Variants in AMMECR1 observed in about 807,000 individuals in gnomAD.
AMMECR1 encodes the protein nuclear protein AMMECR1.
In AMMECR1, 3 loss-of-function variants were observed where a neutral mutation model predicts 22.5. The observed-to-expected ratio is 0.13, with a 90% confidence interval of 0.06 to 0.35. The LOEUF is 0.35. AMMECR1 is among the 10% of genes least tolerant of loss of function. AMMECR1 has a pLI of 1.00. For synonymous variants in AMMECR1, 130 were observed against 116.7 expected, an observed-to-expected ratio of 1.11 and a Z score of -0.74; for missense variants, 235 against 278.7, an observed-to-expected ratio of 0.84 and a Z score of 1.12.
chrX:110,330,881 T>C (rs765329964), intron 2 of AMMECR1, among the ~76,000 whole-genome samples: 4 of 111,588 alleles, frequency 3.6e-5, no homozygotes, highest in South Asian at 3.8e-4. Flanking sequence ...AAAGAATAAC[T>C]CTCATATACT....
At chrX:110,368,504 TAG>T (rs1183583541) in intron 2 of AMMECR1, among the ~76,000 whole-genome samples, 1 of 112,073 alleles carries the variant, frequency 8.9e-6, no homozygotes, top group African/African-American at 3.2e-5. Context: ...TTCTTCCTCA[TAG>T]AGTGTCATGC....
rs374543322 is a variant in AMMECR1 at position 110,389,200 on chromosome X, G to A, written c.-148+37458C>T. Among the ~76,000 whole-genome samples the A allele has an allele frequency of 3.6e-4, 41 of 112,620 alleles. No individual in the cohort carries two copies. In the South Asian group the frequency reaches 0.015, roughly 41 times the overall value. On this transcript the variant is annotated intron_variant, in intron 2 of 7. Transcript: ENST00000372057. ...AATGAATGCACTGCAAATCTCCAAGGAAATATAGAATATGCAGTATTTATT... is the reference window on the plus strand; with the variant it reads ...AATGAATGCACTGCAAATCTCCAAGAAAATATAGAATATGCAGTATTTATT...
intron 2 of AMMECR1, among the ~76,000 whole-genome samples, chrX:110,425,169 C>A (rs537199493): frequency 2.7e-5 from 3 of 112,466 alleles, no homozygotes; most frequent in Middle Eastern, 4.6e-3. Context: ...TCTTGTTCAA[C>A]TGAGCCAAGA....
At chrX:110,341,699 T>A (rs747239340) in intron 2 of AMMECR1, among the ~76,000 whole-genome samples, 14 of 111,991 alleles carry the variant, frequency 1.3e-4, no homozygotes, top group Non-Finnish European at 2.1e-4. Flanking sequence ...CTTTATAAGT[T>A]CCCCAGACTG....
chrX:110,277,589 G>C (rs1234304106), intron 1 of AMMECR1, among the ~76,000 whole-genome samples: 2 of 111,507 alleles, frequency 1.8e-5, no homozygotes, highest in African/African-American at 6.5e-5. Flanking sequence ...AAGAAAAATG[G>C]TTCAGGAAAT....
At chrX:110,277,277 T>C (rs902701147) in intron 1 of AMMECR1, among the ~76,000 whole-genome samples, 2 of 110,485 alleles carry the variant, frequency 1.8e-5, no homozygotes, top group Non-Finnish European at 3.8e-5. Context: ...AGCAGAAAAA[T>C]GGTTCAGGAA....
chrX:110,228,593 G>T (rs1472513171), intron 2 of AMMECR1, among the ~76,000 whole-genome samples: 2 of 111,248 alleles, frequency 1.8e-5, no homozygotes, highest in Non-Finnish European at 3.8e-5. Context: ...CTAAAACAGT[G>T]AAACAGTGAG....
At chrX:110,364,120 C>T (rs2068281843) in intron 2 of AMMECR1, among the ~76,000 whole-genome samples, 1 of 111,148 alleles carries the variant, frequency 9.0e-6, no homozygotes, top group African/African-American at 3.3e-5. Context: ...GATTCTGTTC[C>T]TTGCCTCTTC....
intron 2 of AMMECR1, among the ~76,000 whole-genome samples, chrX:110,391,332 T>C (rs779239195): frequency 1.8e-5 from 2 of 112,044 alleles, no homozygotes; most frequent in African/African-American, 6.5e-5. Flanking sequence ...GGTCAAATCA[T>C]TGTTTTCCCA....
intron 1 of AMMECR1, among the ~76,000 whole-genome samples, chrX:110,282,992 T>G (rs1039025415): frequency 2.7e-5 from 3 of 111,750 alleles, no homozygotes; most frequent in Non-Finnish European, 3.8e-5. Context: ...CATCTCCAGC[T>G]ATGAGTGAGC....
chrX:110,320,461 A>G (rs748618802), upstream of AMMECR1, among the ~76,000 whole-genome samples: 8 of 112,245 alleles, frequency 7.1e-5, no homozygotes, highest in African/African-American at 9.7e-5. Context: ...ACAGGAAGCA[A>G]AGTAGGATAC....
chrX:110,438,199 C>T lies in AMMECR1; in HGVS notation c.-294+1691G>A, dbSNP rs1408679241. Reference sequence around the variant, plus strand: ...GTCCCTCTATCAGAACCTGCTTTCACGATGGGAGATTTAAGAGGCTGATCC... The same window carrying T: ...GTCCCTCTATCAGAACCTGCTTTCATGATGGGAGATTTAAGAGGCTGATCC... On this transcript the variant is annotated intron_variant, in intron 1 of 7. Coordinates refer to the AMMECR1 transcript ENST00000372057. Among the ~76,000 whole-genome samples the T allele has an allele frequency of 2.7e-5, 3 of 111,158 alleles. No individual in the cohort carries two copies. The East Asian group carries it at 8.5e-4, about 31-fold the overall frequency.
chrX:110,432,445 G>C (rs1031427118), intron 1 of AMMECR1, among the ~76,000 whole-genome samples: 5 of 112,135 alleles, frequency 4.5e-5, no homozygotes, highest in Non-Finnish European at 9.4e-5. Flanking sequence ...TGATAGCTTC[G>C]AGAGAAGAGC....
At chrX:110,362,267 C>T (rs10126143) in intron 2 of AMMECR1, among the ~76,000 whole-genome samples, 1,286 of 111,638 alleles carry the variant, frequency 0.012, 11 homozygotes, top group Middle Eastern at 0.037. Context: ...AAAACTTAAG[C>T]TTGTTATATA....
chrX:110,315,891 C>G (rs140958814), intron 1 of AMMECR1, among the ~76,000 whole-genome samples: 302 of 112,314 alleles, frequency 2.7e-3, no homozygotes, highest in African/African-American at 9.5e-3. Flanking sequence ...ATAAGTGACT[C>G]AAGCTAATAA....
intron 2 of AMMECR1, among the ~76,000 whole-genome samples, chrX:110,384,662 A>G (rs2068442762): frequency 9.0e-6 from 1 of 111,355 alleles, no homozygotes; most frequent in East Asian, 2.8e-4. Context: ...TCCATTCTGT[A>G]TCATGGCTCA....
chrX:110,362,984 A>G (rs2068274164), intron 2 of AMMECR1, among the ~76,000 whole-genome samples: 1 of 112,076 alleles, frequency 8.9e-6, no homozygotes, highest in African/African-American at 3.2e-5. Context: ...AAGGCCCCAC[A>G]ACCAGCAGAA....
chrX:110,284,195 G>C (rs1412294199), intron 1 of AMMECR1, among the ~76,000 whole-genome samples: 6 of 111,880 alleles, frequency 5.4e-5, no homozygotes, highest in Non-Finnish European at 9.4e-5. Flanking sequence ...AGGCAGGAGG[G>C]ATTCAAAGGA....
intron 2 of AMMECR1, among the ~76,000 whole-genome samples, chrX:110,351,358 A>C (rs1449086463): frequency 8.9e-6 from 1 of 112,330 alleles, no homozygotes; most frequent in Non-Finnish European, 1.9e-5. Flanking sequence ...CTAAAAAGCT[A>C]CAACAATCAG....
Sources: gnomAD v4.1 joint callset for allele counts (sites outside exome capture counted in the v4.1 genomes callset) on GRCh38, gnomAD v4.1.1 for gene constraint, MANE v1.5 for transcripts, NCBI Gene and HGNC (gene_info 2026-07-23, HGNC 2026-07-21) for gene names.